Variants in CTNNA2 observed in about 807,000 individuals in gnomAD.
CTNNA2 encodes catenin alpha 2, also known as catenin alpha-2.
CTNNA2 carries 42 observed loss-of-function variants against 101.0 expected under a neutral mutation model. That is an observed-to-expected ratio of 0.42 (90% confidence interval 0.32 to 0.54). The LOEUF is 0.54. Ranked by LOEUF, CTNNA2 falls within the 20% of genes least tolerant of loss-of-function variation. CTNNA2 has a pLI of 0.14. For missense variants in CTNNA2, 871 were observed against 1,223.1 expected, an observed-to-expected ratio of 0.71 and a Z score of 4.29; for synonymous variants, 450 against 456.4, an observed-to-expected ratio of 0.99 and a Z score of 0.18.
intron 7 of CTNNA2, among the ~76,000 whole-genome samples, chr2:80,271,436 T>G (rs905521368): frequency 2.6e-5 from 4 of 151,762 alleles, no homozygotes; most frequent in African/African-American, 7.3e-5. Context: ...TTTTTTTTTT[T>G]TCTGAGATGG....
intron 7 of CTNNA2, among the ~76,000 whole-genome samples, chr2:80,195,073 C>T (rs762085604): frequency 6.6e-6 from 1 of 152,114 alleles, no homozygotes; most frequent in African/African-American, 2.4e-5. Context: ...CAGCAACTAG[C>T]GGACCTTTAC....
At chr2:79,690,502 T>A (rs1325686555) in intron 2 of CTNNA2, among the ~76,000 whole-genome samples, 1 of 152,048 alleles carries the variant, frequency 6.6e-6, no homozygotes, top group East Asian at 1.9e-4. Context: ...TATTCCGTAG[T>A]ATATATGTGC....
chr2:80,598,472 AAG>A (rs1360176948), intron 15 of CTNNA2, among the ~76,000 whole-genome samples: 6 of 152,152 alleles, frequency 3.9e-5, no homozygotes, highest in African/African-American at 7.2e-5. Context: ...TAAAAAAAAA[AAG>A]AATCTCAAAA....
intron 9 of CTNNA2, among the ~76,000 whole-genome samples, chr2:80,499,413 A>G (rs534595078): frequency 6.6e-5 from 10 of 152,196 alleles, no homozygotes; most frequent in African/African-American, 1.7e-4. Flanking sequence ...TGAGTTTATC[A>G]GTTCCTCTCT....
At chr2:79,873,999 T>TA (rs994729841) in intron 5 of CTNNA2, 77 bp from the exon 6 acceptor site, 28 of 1,559,720 alleles carry the variant, frequency 1.8e-5, no homozygotes, top group Non-Finnish European at 2.3e-5. Context: ...ACTAAGAGTC[T>TA]GTGACTCCAA....
chr2:79,542,144 A>T (rs1333253506), intron 1 of CTNNA2, among the ~76,000 whole-genome samples: 2 of 152,146 alleles, frequency 1.3e-5, no homozygotes, highest in African/African-American at 4.8e-5. Flanking sequence ...GAATGTTCTC[A>T]GCACTGCTAA....
At chr2:79,773,126 A>G (rs1377307806) in intron 3 of CTNNA2, among the ~76,000 whole-genome samples, 5 of 152,178 alleles carry the variant, frequency 3.3e-5, no homozygotes, top group African/African-American at 1.2e-4. Context: ...GAAAGGTTGG[A>G]GTGAACAGCC....
chr2:80,087,529 C>A (rs192145175), intron 7 of CTNNA2, among the ~76,000 whole-genome samples: 1 of 151,960 alleles, frequency 6.6e-6, no homozygotes, highest in South Asian at 2.1e-4. Context: ...TTTTATGTTT[C>A]CCTCTATTTC....
intron 1 of CTNNA2, among the ~76,000 whole-genome samples, chr2:79,595,677 T>C (rs1316610216): frequency 6.6e-6 from 1 of 151,834 alleles, no homozygotes; most frequent in Non-Finnish European, 1.5e-5. Flanking sequence ...TAACTCTCGC[T>C]ACGCTACCTT....
At chr2:80,478,490 A>G (rs538841978) in intron 9 of CTNNA2, among the ~76,000 whole-genome samples, 2 of 152,136 alleles carry the variant, frequency 1.3e-5, no homozygotes, top group Admixed American at 6.6e-5. Context: ...AGAGTTTTTC[A>G]TAGGTTTTCT....
At chr2:80,243,572 G>A (rs1050776728) in intron 7 of CTNNA2, among the ~76,000 whole-genome samples, 2 of 152,004 alleles carry the variant, frequency 1.3e-5, no homozygotes, top group Non-Finnish European at 2.9e-5. Flanking sequence ...ATTATTTTGG[G>A]ATTTATCTAC....
At chr2:80,014,357 A>C (rs1693991525) in intron 7 of CTNNA2, among the ~76,000 whole-genome samples, 1 of 150,816 alleles carries the variant, frequency 6.6e-6, no homozygotes, top group South Asian at 2.1e-4. Flanking sequence ...AAAAGACAAG[A>C]AGTTTCATGA....
rs189822122 is a variant in CTNNA2 at position 79,411,801 on chromosome 2, G to A, written c.-135+37788G>A. On this transcript the variant is annotated intron_variant, in intron 4 of 21. Transcript: ENST00000466387. ...AGCTGCTGCAAAATCATGCCAAAAT[G>A]TAAAGACTATCAAGACTAGGAAGAA... 2.9e-3 allele frequency among the ~76,000 whole-genome samples: 434 copies of A among 152,208 alleles called. 2 individuals carry two copies. Among genetic ancestry groups the A allele is most frequent in the African/African-American group, 0.01 (419 of 41,558 alleles).
intron 5 of CTNNA2, among the ~76,000 whole-genome samples, chr2:79,873,546 G>A (rs1682752592): frequency 6.6e-6 from 1 of 152,164 alleles, no homozygotes; most frequent in South Asian, 2.1e-4. Flanking sequence ...TGCCAAGTCA[G>A]TGGAGCCCTG....
At chr2:80,141,808 A>G (rs1573205374) in intron 7 of CTNNA2, among the ~76,000 whole-genome samples, 1 of 152,166 alleles carries the variant, frequency 6.6e-6, no homozygotes, top group East Asian at 1.9e-4. Context: ...ACAGTATCCC[A>G]GAAAGAATCA....
intron 2 of CTNNA2, among the ~76,000 whole-genome samples, chr2:79,240,688 G>A (rs1202140144): frequency 6.6e-6 from 1 of 152,124 alleles, no homozygotes; most frequent in Non-Finnish European, 1.5e-5. Flanking sequence ...AAGTAAATAA[G>A]GTAGCTTGGT....
intron 7 of CTNNA2, among the ~76,000 whole-genome samples, chr2:79,913,730 T>G (rs1574296754): frequency 6.6e-6 from 1 of 152,238 alleles, no homozygotes; most frequent in East Asian, 1.9e-4. Context: ...AGAATGTGTC[T>G]GTTTTATGAA....
chr2:80,101,173 C>T (rs750409132), intron 7 of CTNNA2, among the ~76,000 whole-genome samples: 3 of 152,108 alleles, frequency 2.0e-5, no homozygotes, highest in Non-Finnish European at 2.9e-5. Flanking sequence ...TCTTATGTTT[C>T]CCTACCCTTA....
chr2:79,474,906 G>A (rs1019857504), intron 4 of CTNNA2, among the ~76,000 whole-genome samples: 30 of 152,060 alleles, frequency 2.0e-4, no homozygotes, highest in African/African-American at 6.5e-4. Flanking sequence ...CCTGCTCCAG[G>A]GTATAGGCTC....
Sources: allele counts gnomAD v4.1 joint callset (sites outside exome capture counted in the v4.1 genomes callset), GRCh38; gene constraint gnomAD v4.1.1; transcripts MANE v1.5; gene names NCBI Gene and HGNC (gene_info 2026-07-23, HGNC 2026-07-21).